Variants in CHRM2 observed in about 807,000 individuals in gnomAD.
CHRM2 encodes the protein muscarinic acetylcholine receptor M2.
A neutral mutation model predicts 25.0 loss-of-function variants in CHRM2; 8 were observed. The observed-to-expected ratio is 0.32, with a 90% CI of 0.19 to 0.58. The LOEUF (loss-of-function observed/expected upper bound fraction) is 0.58. Among genes scored for constraint, CHRM2 ranks in the 20% least tolerant of loss-of-function variants. The probability of loss-of-function intolerance (pLI) is 0.88; values close to 1 mark genes in which losing one functional copy is unlikely to be tolerated. For synonymous variants in CHRM2, 202 were observed against 205.7 expected (o/e 0.98, Z 0.15); for missense variants, 440 against 567.1 (o/e 0.78, Z 2.28).
In CHRM2 at chr7:137,019,533, T is replaced by G. The variant is rs2131145483; in HGVS notation, c.*3267T>G. On this transcript the variant is annotated 3_prime_UTR_variant, in exon 4 of 4. Coordinates refer to ENST00000680005, the MANE Select transcript of CHRM2 (RefSeq NM_001006630.2). ...TTCAGAAACAATATCATTTATCTTC[T>G]TTGCATTTACTGGAAAGGTGTATCT... The G allele has an allele frequency of 6.6e-6, 1 of 152,010 alleles. No individual in the cohort carries two copies. The highest frequency in any genetic ancestry group is 2.4e-5 in the African/African-American group (1 of 41,536). The allele number at this position is 152,010 out of a possible 1,614,324, so 9.4% of individuals were successfully genotyped here.
chr7:137,011,897 A>T (rs1403090440), intron 3 of CHRM2, among the ~76,000 whole-genome samples: 1 of 151,958 alleles, frequency 6.6e-6, no homozygotes, highest in African/African-American at 2.4e-5. Context: ...GGATTTCAAC[A>T]TTCAGAATTT....
At chr7:136,930,876 T>C (rs1274809508) in intron 2 of CHRM2, among the ~76,000 whole-genome samples, 1 of 114,648 alleles carries the variant, frequency 8.7e-6, no homozygotes, top group Non-Finnish European at 1.7e-5. Context: ...CAGCCTGGGC[T>C]ACAGAGCCAG....
At position 136,963,793 on chromosome 7, in the gene CHRM2, T is replaced by TA. The variant is rs545111385; in HGVS notation, c.-124-28383dup. Among the ~76,000 whole-genome samples, 92 of 149,294 alleles carry TA rather than the reference T, an allele frequency of 6.2e-4. 1 individual carries two copies. The South Asian group carries it at 9.3e-3, about 15-fold the overall frequency. The stretch of plus-strand genomic sequence containing the variant: ...GTGAAACCTGGGCAATTGCATTAAT[T>TA]AAAAAAAAAAATTTCTCTAGACAAT... On this transcript the variant is annotated intron_variant, in intron 2 of 3. Coordinates refer to ENST00000680005, the MANE Select transcript of CHRM2 (RefSeq NM_001006630.2).
At chr7:136,896,672 G>A (rs1054045510) in intron 2 of CHRM2, among the ~76,000 whole-genome samples, 31 of 152,142 alleles carry the variant, frequency 2.0e-4, no homozygotes, top group Admixed American at 1.3e-4. Flanking sequence ...TTAGGATCAC[G>A]CAATCTCAGC....
chr7:136,892,070 A>T (rs1796712478), intron 2 of CHRM2, among the ~76,000 whole-genome samples: 1 of 152,232 alleles, frequency 6.6e-6, no homozygotes, highest in African/African-American at 2.4e-5. Context: ...ACACTGGTTG[A>T]GTGGATGGAC....
At chr7:136,989,133 A>G (rs140598422) in intron 2 of CHRM2, among the ~76,000 whole-genome samples, 1,578 of 152,208 alleles carry the variant, frequency 0.01, 29 homozygotes, top group African/African-American at 0.036. Context: ...TGATTTTAGT[A>G]CTAATTCTCT....
At chr7:136,982,772 C>T (rs1802569275) in intron 2 of CHRM2, among the ~76,000 whole-genome samples, 1 of 152,150 alleles carries the variant, frequency 6.6e-6, no homozygotes, top group South Asian at 2.1e-4. Context: ...TATTGGCCCC[C>T]ACTCTCTTCT....
chr7:137,015,896 T>G lies in CHRM2; in HGVS notation c.1031T>G (p.Val344Gly), dbSNP rs139037603. 40 of 1,612,846 alleles carry G rather than the reference T, an allele frequency of 2.5e-5. No homozygotes were observed. In the African/African-American group the frequency reaches 4.7e-4, roughly 19 times the overall value. ...TCATGTACCCCAACTAATACCACCG[T>G]GGAGGTAGTGGGGTCTTCAGGTCAG... ...SDSCTPTNTT[V>G]EVVGSSGQNG... Residue 344 changes from valine (V) to glycine (G), a missense_variant, in exon 4 of 4, where the codon GTG becomes GGG. This residue lies in a region of CHRM2 where 261 missense variants were observed against 261.8 expected (regional missense o/e 1.00). Coordinates refer to ENST00000680005, the MANE Select transcript of CHRM2 (RefSeq NM_001006630.2). This position sits in a 1 kb window ranked among gnomAD's most constrained non-coding sequence, Gnocchi z 5.1.
intron 2 of CHRM2, among the ~76,000 whole-genome samples, chr7:136,895,794 T>G (rs1423731091): frequency 4.6e-5 from 7 of 152,144 alleles, no homozygotes; most frequent in African/African-American, 1.7e-4. Context: ...TTCAGAAAGT[T>G]TAGAAATACA....
chr7:136,938,640 G>A lies in CHRM2; in HGVS notation c.-124-53547G>A, dbSNP rs554164536. On this transcript the variant is annotated intron_variant, in intron 2 of 3. Transcript: ENST00000680005. The stretch of plus-strand genomic sequence containing the variant: ...CGGGAGAAGCTCGAGGAGCTCATGC[G>A]GGCACAGGGCCCACTCGTGCAGGAG... 1.4e-4 allele frequency: 116 copies of A among 834,442 alleles called. No homozygotes were observed. In the South Asian group the frequency reaches 1.5e-3, roughly 11 times the overall value. 51.7% of individuals were successfully genotyped at this position (834,442 alleles called of 1,614,324 possible).
chr7:136,986,984 G>T (rs773421500), intron 2 of CHRM2, among the ~76,000 whole-genome samples: 1 of 151,882 alleles, frequency 6.6e-6, no homozygotes. Flanking sequence ...TCACCTTTTT[G>T]TACCAGGCAA....
At chr7:136,919,315 A>C (rs1185297647) in intron 2 of CHRM2, among the ~76,000 whole-genome samples, 1 of 152,122 alleles carries the variant, frequency 6.6e-6, no homozygotes, top group Admixed American at 6.6e-5. Flanking sequence ...TTTCAATCAG[A>C]TAGAAGTACT....
Position 137,019,453 on chromosome 7 carries a change from G to T in CHRM2, c.*3187G>T, listed in dbSNP as rs554929881. 16 of 151,928 alleles carry T rather than the reference G, an allele frequency of 1.1e-4. No homozygotes were observed. In the East Asian group the frequency reaches 3.1e-3, roughly 30 times the overall value. 9.4% of individuals were successfully genotyped at this position (151,928 alleles called of 1,614,324 possible). A position where few individuals can be genotyped will look rare whatever the true frequency, so the allele number is the denominator to read the frequency against. On this transcript the variant is annotated 3_prime_UTR_variant, in exon 4 of 4. Coordinates refer to ENST00000680005, the MANE Select transcript of CHRM2 (RefSeq NM_001006630.2). ...CCATCAAAATATTTGCAGTTGATATGATCAGTTTCTACTGGAGCTGCAATT... is the reference window on the plus strand; with the variant it reads ...CCATCAAAATATTTGCAGTTGATATTATCAGTTTCTACTGGAGCTGCAATT...
At chr7:136,965,345 C>T (rs924439576) in intron 2 of CHRM2, among the ~76,000 whole-genome samples, 4 of 152,002 alleles carry the variant, frequency 2.6e-5, no homozygotes, top group Non-Finnish European at 5.9e-5. Flanking sequence ...CTGTGACTTC[C>T]ATACTTCAGT....
At chr7:136,972,672 G>A (rs1409153688) in intron 2 of CHRM2, among the ~76,000 whole-genome samples, 1 of 152,270 alleles carries the variant, frequency 6.6e-6, no homozygotes, top group Non-Finnish European at 1.5e-5. Context: ...GGTGGTAGTG[G>A]TGGTCATGGC....
At chr7:136,951,498 T>G (rs1800411358) in intron 2 of CHRM2, among the ~76,000 whole-genome samples, 1 of 152,196 alleles carries the variant, frequency 6.6e-6, no homozygotes, top group South Asian at 2.1e-4. Flanking sequence ...ACGTCCCTTT[T>G]GTTTCACAGT....
chr7:136,883,292 C>T (rs1444329049), intron 2 of CHRM2, among the ~76,000 whole-genome samples: 1 of 152,128 alleles, frequency 6.6e-6, no homozygotes, highest in Non-Finnish European at 1.5e-5. Context: ...AAGGGTACTA[C>T]AGTTTCAGGC....
chr7:136,945,563 CT>C (rs1283753893), intron 2 of CHRM2, among the ~76,000 whole-genome samples: 1 of 152,078 alleles, frequency 6.6e-6, no homozygotes, highest in Non-Finnish European at 1.5e-5. Context: ...TTTCTGGGTT[CT>C]CTATTCTGTT....
intron 2 of CHRM2, among the ~76,000 whole-genome samples, chr7:136,952,766 A>G (rs1800490504): frequency 6.6e-6 from 1 of 151,802 alleles, no homozygotes; most frequent in South Asian, 2.1e-4. Flanking sequence ...TGCTCCCTCT[A>G]TGTGTTCATG....
Sources: gnomAD v4.1 joint callset for allele counts (sites outside exome capture counted in the v4.1 genomes callset) on GRCh38, gnomAD v4.1.1 for gene constraint, gnomAD v4.1.1 regional missense constraint, Gnocchi (gnomAD v3.1) non-coding constraint, MANE v1.5 for transcripts, NCBI Gene and HGNC (gene_info 2026-07-23, HGNC 2026-07-21) for gene names.